Variants in PCDH15 observed in about 807,000 individuals in gnomAD.
The protein encoded by PCDH15 is protocadherin related 15, also known as protocadherin-15.
In PCDH15, 129 loss-of-function variants were observed where a neutral mutation model predicts 178.5. That is an observed-to-expected ratio of 0.72 (90% CI 0.63 to 0.84). PCDH15 has a LOEUF of 0.84. Ranked by LOEUF, PCDH15 falls within the 40% of genes least tolerant of loss-of-function variation. The probability of loss-of-function intolerance (pLI) is 0.00; values close to 1 mark genes in which losing one functional copy is unlikely to be tolerated. For synonymous variants in PCDH15, 800 were observed against 732.0 expected, an observed-to-expected ratio of 1.09 and a Z score of -1.50; for missense variants, 2,230 against 2,099.9, an observed-to-expected ratio of 1.06 and a Z score of -1.21.
chr10:55,520,336 AT>A (rs2132163622), intron 2 of PCDH15, among the ~76,000 whole-genome samples: 1 of 125,418 alleles, frequency 8.0e-6, no homozygotes, highest in African/African-American at 2.7e-5. Context: ...GTATATATAT[AT>A]ATATATATAT....
chr10:55,535,840 C>T (rs1841565998), intron 2 of PCDH15, among the ~76,000 whole-genome samples: 1 of 152,066 alleles, frequency 6.6e-6, no homozygotes, highest in African/African-American at 2.4e-5. Flanking sequence ...TAGGGATACA[C>T]CTAAATGTTA....
At chr10:55,228,794 C>T (rs1841128725) in intron 1 of PCDH15, among the ~76,000 whole-genome samples, 1 of 151,754 alleles carries the variant, frequency 6.6e-6, no homozygotes, top group African/African-American at 2.4e-5. Context: ...CATTTTAAAC[C>T]TCTCCTGATC....
chr10:53,924,412 T>A (rs1388898350), intron 25 of PCDH15, among the ~76,000 whole-genome samples: 2 of 152,174 alleles, frequency 1.3e-5, no homozygotes, highest in African/African-American at 2.4e-5. Context: ...CTCAGCTGCC[T>A]CCCTGCGGGG....
intron 2 of PCDH15, among the ~76,000 whole-genome samples, chr10:55,423,123 G>A (rs1355928016): frequency 6.6e-6 from 1 of 151,712 alleles, no homozygotes; most frequent in African/African-American, 2.4e-5. Context: ...GTTTCCTAAA[G>A]GGTCACAGTA....
intron 1 of PCDH15, among the ~76,000 whole-genome samples, chr10:54,776,384 T>C (rs965559245): frequency 4.6e-5 from 7 of 151,934 alleles, no homozygotes; most frequent in Admixed American, 2.0e-4. Context: ...ATATCTGGGA[T>C]CTAGAAGCAC....
chr10:54,580,753 C>T (rs2090960856), intron 2 of PCDH15, among the ~76,000 whole-genome samples: 1 of 152,022 alleles, frequency 6.6e-6, no homozygotes, highest in African/African-American at 2.4e-5. Context: ...ATACCATGAT[C>T]AAGTAGCCTT....
At chr10:54,214,399 C>T (rs190145779) in intron 9 of PCDH15, among the ~76,000 whole-genome samples, 40 of 152,008 alleles carry the variant, frequency 2.6e-4, no homozygotes, top group African/African-American at 8.7e-4. Flanking sequence ...TTAATTATAA[C>T]TGTTTGGTCT....
chr10:54,071,644 T>C (rs939113967), intron 17 of PCDH15, among the ~76,000 whole-genome samples: 5 of 152,258 alleles, frequency 3.3e-5, no homozygotes, highest in Admixed American at 6.5e-5. Flanking sequence ...CAATACATGG[T>C]TTAAGAAACA....
At chr10:54,223,770 G>A (rs2053148944) in intron 9 of PCDH15, among the ~76,000 whole-genome samples, 2 of 151,826 alleles carry the variant, frequency 1.3e-5, no homozygotes, top group Non-Finnish European at 2.9e-5. Flanking sequence ...CAAAAATAAT[G>A]GGCATCTAGA....
At chr10:54,707,837 T>C (rs796236417) in intron 1 of PCDH15, among the ~76,000 whole-genome samples, 4 of 152,114 alleles carry the variant, frequency 2.6e-5, no homozygotes, top group African/African-American at 9.6e-5. Context: ...CCTAAAAGAA[T>C]AAAGAAACCC....
chr10:54,421,877 TATATATACACACACACA>T (rs1201369395), intron 3 of PCDH15, among the ~76,000 whole-genome samples: 4 of 68,534 alleles, frequency 5.8e-5, no homozygotes, highest in African/African-American at 3.2e-4. Flanking sequence ...ACACTATATA[TATATATACACACACACA>T]CTATATATAT....
Position 54,169,505 on chromosome 10 carries a change from T to A in PCDH15, c.1590+13939A>T, listed in dbSNP as rs1041681044. On this transcript the variant is annotated intron_variant, in intron 13 of 37. Coordinates refer to ENST00000644397, the MANE Select transcript of PCDH15 (RefSeq NM_001384140.1). ...TTTTAGTTATCCCCACCTGCCCAGTTCCCTTATTAGGCTGTGACACTTTAA... is the reference window on the plus strand; with the variant it reads ...TTTTAGTTATCCCCACCTGCCCAGTACCCTTATTAGGCTGTGACACTTTAA... Among the ~76,000 whole-genome samples, 10 of 142,096 alleles carry A rather than the reference T, an allele frequency of 7.0e-5. No homozygotes were observed. The South Asian group carries it at 8.9e-4, about 13-fold the overall frequency. 93.2% of individuals were successfully genotyped at this position (142,096 alleles called of 152,430 possible).
At chr10:54,232,807 A>ATGATTTCAAAGAATTGATTTTGGCT (rs2054207669) in intron 9 of PCDH15, among the ~76,000 whole-genome samples, 1 of 151,560 alleles carries the variant, frequency 6.6e-6, no homozygotes, top group South Asian at 2.1e-4. Flanking sequence ...AATTTTGTTG[A>ATGATTTCAAAGAATTGATTTTGGCT]TGATTTCAAA....
chr10:53,926,661 T>C (rs965712231), intron 25 of PCDH15, among the ~76,000 whole-genome samples: 2 of 152,184 alleles, frequency 1.3e-5, no homozygotes. Context: ...TCAACCACCT[T>C]GGGCACATGT....
chr10:53,834,750 G>A (rs2077208578), intron 29 of PCDH15, among the ~76,000 whole-genome samples: 1 of 152,062 alleles, frequency 6.6e-6, no homozygotes, highest in Non-Finnish European at 1.5e-5. Flanking sequence ...TGGATATGGG[G>A]CCTAATGTTG....
chr10:55,424,504 TTAGG>T (rs1838703449), intron 2 of PCDH15, among the ~76,000 whole-genome samples: 1 of 152,174 alleles, frequency 6.6e-6, no homozygotes, highest in African/African-American at 2.4e-5. Flanking sequence ...TGGCTCGCAA[TTAGG>T]TAACAATGCC....
chr10:54,341,386 T>C (rs141794780), intron 6 of PCDH15, among the ~76,000 whole-genome samples: 2 of 152,336 alleles, frequency 1.3e-5, no homozygotes, highest in Non-Finnish European at 2.9e-5. Context: ...TGCCTCCTGC[T>C]GCATGTAAGA....
chr10:54,563,745 A>G (rs959629412), intron 2 of PCDH15, among the ~76,000 whole-genome samples: 4 of 152,136 alleles, frequency 2.6e-5, no homozygotes, highest in Non-Finnish European at 5.9e-5. Context: ...TGGCAGCTAT[A>G]GGATCCATTT....
intron 13 of PCDH15, among the ~76,000 whole-genome samples, chr10:54,163,175 A>C (rs2045884439): frequency 6.6e-6 from 1 of 152,194 alleles, no homozygotes; most frequent in African/African-American, 2.4e-5. Flanking sequence ...TTCTGTATGC[A>C]CACAATATAC....
Sources: gnomAD v4.1 joint callset for allele counts (sites outside exome capture counted in the v4.1 genomes callset) on GRCh38, gnomAD v4.1.1 for gene constraint, MANE v1.5 for transcripts, NCBI Gene and HGNC (gene_info 2026-07-23, HGNC 2026-07-21) for gene names.